The following KCND3 variants were observed in gnomAD, a reference collection of about 807,000 sequenced individuals.
The protein encoded by KCND3 is A-type voltage-gated potassium channel KCND3.
A neutral mutation model predicts 51.1 loss-of-function variants in KCND3; 9 were observed. That is an observed-to-expected ratio of 0.18 (90% CI 0.11 to 0.31). The LOEUF (loss-of-function observed/expected upper bound fraction) is 0.31. Ranked by LOEUF, KCND3 falls within the 10% of genes least tolerant of loss-of-function variation. The pLI is 1.00. For synonymous variants in KCND3, 349 were observed against 368.0 expected (o/e 0.95, Z 0.59); for missense variants, 526 against 903.8 (o/e 0.58, Z 5.36).
intron 2 of KCND3, among the ~76,000 whole-genome samples, chr1:111,841,314 A>T (rs1450405808): frequency 1.3e-5 from 2 of 152,210 alleles, no homozygotes; most frequent in African/African-American, 2.4e-5. Context: ...TTCTCTGCGC[A>T]GTTAGAACTT....
intron 2 of KCND3, among the ~76,000 whole-genome samples, chr1:111,955,705 T>C (rs1673298965): frequency 2.0e-5 from 3 of 152,200 alleles, no homozygotes; most frequent in African/African-American, 7.2e-5. Context: ...TTTTTTAGAA[T>C]AAATTATGAA....
At chr1:111,791,763 C>T (rs934166197) in intron 2 of KCND3, among the ~76,000 whole-genome samples, 6 of 152,120 alleles carry the variant, frequency 3.9e-5, no homozygotes, top group Admixed American at 3.3e-4. Flanking sequence ...TGGGTGAAAC[C>T]AACCAGATTA....
intron 2 of KCND3, among the ~76,000 whole-genome samples, chr1:111,906,514 C>G (rs890454886): frequency 1.3e-5 from 2 of 152,234 alleles, no homozygotes. Flanking sequence ...CACCTAGAAT[C>G]ACTATTTATT....
chr1:111,778,518 A>AT (rs747579989), intron 5 of KCND3, 26 bp from the exon 6 acceptor site: 1 of 1,606,914 alleles, frequency 6.2e-7, no homozygotes, highest in Non-Finnish European at 8.5e-7. Flanking sequence ...CCAACAGAAG[A>AT]TAAAAACACC....
intron 2 of KCND3, among the ~76,000 whole-genome samples, chr1:111,921,943 G>GTA (rs770720915): frequency 2.6e-5 from 4 of 152,210 alleles, no homozygotes; most frequent in Non-Finnish European, 4.4e-5. Context: ...TATCCCAGTG[G>GTA]TAGGGATAAC....
At chr1:111,901,903 CT>C (rs1670399912) in intron 2 of KCND3, among the ~76,000 whole-genome samples, 1 of 152,130 alleles carries the variant, frequency 6.6e-6, no homozygotes, top group African/African-American at 2.4e-5. Flanking sequence ...TAGAAATCAT[CT>C]GAATGAAAAG....
intron 2 of KCND3, among the ~76,000 whole-genome samples, chr1:111,800,788 C>A (rs1343429769): frequency 6.6e-6 from 1 of 152,228 alleles, no homozygotes; most frequent in Admixed American, 6.5e-5. Context: ...CACGCCCTGA[C>A]CTGGGGCATC....
chr1:111,814,580 G>C (rs930835130), intron 2 of KCND3, among the ~76,000 whole-genome samples: 1 of 152,198 alleles, frequency 6.6e-6, no homozygotes, highest in African/African-American at 2.4e-5. Flanking sequence ...AGTAACTGAT[G>C]TGCCTCTGTC....
intron 2 of KCND3, among the ~76,000 whole-genome samples, chr1:111,791,700 T>C (rs1664835095): frequency 1.3e-5 from 2 of 152,240 alleles, no homozygotes; most frequent in African/African-American, 4.8e-5. Context: ...ATGACAGAGC[T>C]ACTATGAATT....
chr1:111,966,765 T>C (rs980339666), intron 2 of KCND3, among the ~76,000 whole-genome samples: 7 of 152,150 alleles, frequency 4.6e-5, no homozygotes, highest in Non-Finnish European at 7.4e-5. Flanking sequence ...TTCTGAGGTA[T>C]AGAGAAAGTA....
chr1:111,911,578 A>C (rs1436324121), intron 2 of KCND3, among the ~76,000 whole-genome samples: 1 of 152,218 alleles, frequency 6.6e-6, no homozygotes, highest in Non-Finnish European at 1.5e-5. Context: ...TGAACAACAC[A>C]GACTTAGTGA....
intron 2 of KCND3, among the ~76,000 whole-genome samples, chr1:111,872,246 A>G (rs1440269652): frequency 6.6e-6 from 1 of 152,188 alleles, no homozygotes; most frequent in Non-Finnish European, 1.5e-5. Flanking sequence ...TAGATTTCCA[A>G]GGTGTGCTCC....
chr1:111,806,766 A>C (rs934000379), intron 2 of KCND3, among the ~76,000 whole-genome samples: 1 of 152,098 alleles, frequency 6.6e-6, no homozygotes, highest in African/African-American at 2.4e-5. Flanking sequence ...ATTCAACCCC[A>C]CCCTTGCCTT....
chr1:111,958,087 C>T (rs1206681527), intron 2 of KCND3, among the ~76,000 whole-genome samples: 5 of 152,176 alleles, frequency 3.3e-5, no homozygotes, highest in African/African-American at 7.2e-5. Flanking sequence ...ACCCTGAGCC[C>T]TAGGGACCCT....
intron 2 of KCND3, among the ~76,000 whole-genome samples, chr1:111,868,422 C>T (rs377307218): frequency 2.5e-4 from 38 of 152,272 alleles, no homozygotes; most frequent in Middle Eastern, 3.4e-3. Flanking sequence ...CACAAGAGTA[C>T]AGTGCCTAGT....
intron 2 of KCND3, among the ~76,000 whole-genome samples, chr1:111,843,784 G>A (rs565536998): frequency 3.3e-5 from 5 of 152,280 alleles, no homozygotes; most frequent in Admixed American, 2.0e-4. Flanking sequence ...CTCCTTTGGC[G>A]ACATTTTGCA....
At chr1:111,827,249 T>G (rs2101611339) in intron 2 of KCND3, among the ~76,000 whole-genome samples, 2 of 152,288 alleles carry the variant, frequency 1.3e-5, no homozygotes, top group Non-Finnish European at 2.9e-5. Flanking sequence ...CAGATGACGG[T>G]TGGAATTGCC....
At chr1:111,940,454 G>A (rs1332709907) in intron 2 of KCND3, among the ~76,000 whole-genome samples, 1 of 152,116 alleles carries the variant, frequency 6.6e-6, no homozygotes, top group African/African-American at 2.4e-5. Flanking sequence ...TGGCTAGCCT[G>A]TTTTCCCAAC....
intron 2 of KCND3, among the ~76,000 whole-genome samples, chr1:111,974,972 T>A (rs1380056747): frequency 6.6e-6 from 1 of 152,192 alleles, no homozygotes; most frequent in African/African-American, 2.4e-5. Flanking sequence ...AATCCTATGG[T>A]GTGAATTAAT....
Sources: gnomAD v4.1 joint callset for allele counts (sites outside exome capture counted in the v4.1 genomes callset) on GRCh38, gnomAD v4.1.1 for gene constraint, MANE v1.5 for transcripts, NCBI Gene and HGNC (gene_info 2026-07-23, HGNC 2026-07-21) for gene names.